Variants in SLC16A10 observed in about 807,000 individuals in gnomAD.
SLC16A10 encodes the protein solute carrier family 16 member 10.
Under a neutral mutation model 40.0 loss-of-function variants are expected in SLC16A10, and 27 were observed. That is an observed-to-expected ratio of 0.67 (90% CI 0.50 to 0.93). SLC16A10 has a LOEUF of 0.93. SLC16A10 is among the 40% of genes least tolerant of loss of function. The pLI is 0.00. For missense variants in SLC16A10, 529 were observed against 658.2 expected (o/e 0.80, Z 2.15); for synonymous variants, 213 against 249.8 (o/e 0.85, Z 1.39).
intron 4 of SLC16A10, among the ~76,000 whole-genome samples, chr6:111,212,320 AAGC>A (rs1273179198): frequency 2.0e-5 from 3 of 152,200 alleles, no homozygotes; most frequent in African/African-American, 7.2e-5. Flanking sequence ...TAAATACTGA[AAGC>A]AGATCCTGAT....
intron 4 of SLC16A10, among the ~76,000 whole-genome samples, chr6:111,207,492 A>T (rs1773273859): frequency 6.6e-6 from 1 of 152,222 alleles, no homozygotes; most frequent in African/African-American, 2.4e-5. Flanking sequence ...CCTTCATGCC[A>T]CACACTCTGC....
Position 111,107,138 on chromosome 6 carries a change from C to G in SLC16A10, c.343+19043C>G, listed in dbSNP as rs113504339. Among the ~76,000 whole-genome samples the G allele has an allele frequency of 2.5e-3, 384 of 151,882 alleles. 3 individuals are homozygous for G. The highest frequency in any genetic ancestry group is 8.8e-3 in the African/African-American group (363 of 41,412). ...GGGAATAAAGAAACGTATGAGGGGT[C>G]TTGGAAAAGTTCATGGAAAAAATGT... On this transcript the variant is annotated intron_variant, in intron 1 of 5. Coordinates refer to ENST00000368851, the MANE Select transcript of SLC16A10 (RefSeq NM_018593.5).
In SLC16A10 at chr6:111,204,386, A is replaced by G. The variant is rs541012845; in HGVS notation, c.943-2206A>G. Among the ~76,000 whole-genome samples, 4 of 152,248 alleles carry G rather than the reference A, an allele frequency of 2.6e-5. No homozygotes were observed. In the South Asian group the frequency reaches 8.3e-4, roughly 32 times the overall value. ...GTTGAGTTCAGCACAGGGCCTGTTG[A>G]CTTTGAGGTGCCTTTGAAACAGGAG... On this transcript the variant is annotated intron_variant, in intron 3 of 5. Coordinates refer to ENST00000368851, the MANE Select transcript of SLC16A10 (RefSeq NM_018593.5).
intron 2 of SLC16A10, 143 bp downstream of exon 2, chr6:111,172,982 T>A: frequency 2.8e-6 from 3 of 1,059,500 alleles, no homozygotes; most frequent in Non-Finnish European, 4.0e-6. Context: ...TAAAACAAAC[T>A]GTTATCCATA....
intron 3 of SLC16A10, among the ~76,000 whole-genome samples, chr6:111,195,517 G>A (rs1040726878): frequency 3.9e-5 from 6 of 152,050 alleles, no homozygotes; most frequent in African/African-American, 9.7e-5. Flanking sequence ...AATTTATCAC[G>A]ATAAAAAATT....
At chr6:111,102,473 G>A (rs1348121185) in intron 1 of SLC16A10, among the ~76,000 whole-genome samples, 1 of 152,090 alleles carries the variant, frequency 6.6e-6, no homozygotes, top group African/African-American at 2.4e-5. Context: ...AAATGACCTG[G>A]CAATTATATA....
intron 1 of SLC16A10, among the ~76,000 whole-genome samples, chr6:111,108,063 A>G (rs1440242484): frequency 1.3e-5 from 2 of 151,508 alleles, no homozygotes; most frequent in Non-Finnish European, 2.9e-5. Flanking sequence ...TTTGTCTCCC[A>G]GGCTGGAGTG....
At position 111,087,931 on chromosome 6, in the gene SLC16A10, AG is replaced by A. The variant is rs762161616; in HGVS notation, c.180del (p.Glu60AspfsTer14). 1 of 1,603,212 alleles carries A rather than the reference AG, an allele frequency of 6.2e-7. No homozygotes were observed. Among genetic ancestry groups the A allele is most frequent in the South Asian group, 1.1e-5 (1 of 89,436 alleles). Reference sequence around the variant, plus strand: ...GGGCCGGCGACCGCGGAGCCCCATGAGCCCCCCGAACCCCCCGAGGGCGGCT... The same window carrying A: ...GGGCCGGCGACCGCGGAGCCCCATGACCCCCCGAACCCCCCGAGGGCGGCT... Reference protein sequence around the residue: ...LAGPATAEPHEPPEPPEGGWG... With the variant: ...LAGPATAEPHXPPEPPEGGWG... On this transcript the variant is annotated frameshift_variant, in exon 1 of 6. Coordinates refer to ENST00000368851, the MANE Select transcript of SLC16A10 (RefSeq NM_018593.5). LOFTEE classifies it high-confidence loss of function.
chr6:111,207,078 G>A (rs1221050160), intron 4 of SLC16A10, among the ~76,000 whole-genome samples: 6 of 152,094 alleles, frequency 3.9e-5, no homozygotes, highest in African/African-American at 1.2e-4. Context: ...TGATCTGCCC[G>A]CCTCGGCCTC....
In SLC16A10 at chr6:111,229,519, A is replaced by C. The variant is rs1771068255; in HGVS notation, c.*7284A>C. 6.6e-6 allele frequency: 1 copy of C among 152,206 alleles called. No homozygotes were observed. Among genetic ancestry groups the C allele is most frequent in the African/African-American group, 2.4e-5 (1 of 41,460 alleles). The allele number at this position is 152,206 out of a possible 1,614,324, so 9.4% of individuals were successfully genotyped here. ...AAAAAGTTATATATAATAGCTTCCT[A>C]TTGAGCTGGCTTATGTAGACATTTG... On this transcript the variant is annotated 3_prime_UTR_variant, in exon 6 of 6. Coordinates refer to ENST00000368851, the MANE Select transcript of SLC16A10 (RefSeq NM_018593.5).
chr6:111,170,368 G>T (rs764518663), intron 1 of SLC16A10, among the ~76,000 whole-genome samples: 3 of 152,148 alleles, frequency 2.0e-5, no homozygotes, highest in Non-Finnish European at 2.9e-5. Context: ...TAGTTGTCAG[G>T]CAATGTTTGC....
chr6:111,127,695 C>A (rs910466695), intron 1 of SLC16A10, among the ~76,000 whole-genome samples: 17 of 152,116 alleles, frequency 1.1e-4, no homozygotes, highest in African/African-American at 3.9e-4. Flanking sequence ...ATATTTATCA[C>A]GTATTTTTGC....
intron 1 of SLC16A10, among the ~76,000 whole-genome samples, chr6:111,147,971 A>G (rs908505410): frequency 2.6e-5 from 4 of 152,180 alleles, no homozygotes; most frequent in African/African-American, 9.7e-5. Flanking sequence ...ACCCATCCTT[A>G]GGCCTTATTG....
chr6:111,142,755 T>G (rs1772006327), intron 1 of SLC16A10, among the ~76,000 whole-genome samples: 1 of 152,238 alleles, frequency 6.6e-6, no homozygotes, highest in African/African-American at 2.4e-5. Flanking sequence ...ACAGGAACTT[T>G]CATTTATTGC....
chr6:111,113,622 G>A (rs1305076376), intron 1 of SLC16A10, among the ~76,000 whole-genome samples: 2 of 152,214 alleles, frequency 1.3e-5, no homozygotes, highest in Non-Finnish European at 2.9e-5. Flanking sequence ...GATTGTGTGT[G>A]TGTGAGTACA....
intron 1 of SLC16A10, among the ~76,000 whole-genome samples, chr6:111,132,465 C>T (rs760613643): frequency 2.0e-5 from 3 of 152,196 alleles, no homozygotes; most frequent in Non-Finnish European, 2.9e-5. Context: ...ATCAAAAATC[C>T]GTAACCCAGT....
In SLC16A10 at chr6:111,222,364, T is replaced by C. The variant is rs1297712982; in HGVS notation, c.*129T>C. 25 of 1,226,422 alleles carry C rather than the reference T, an allele frequency of 2.0e-5. No individual in the cohort carries two copies. The highest frequency in any genetic ancestry group is 5.8e-5 in the East Asian group (2 of 34,420). 76.0% of individuals were successfully genotyped at this position (1,226,422 alleles called of 1,614,324 possible). A position where few individuals can be genotyped will look rare whatever the true frequency, so the allele number is the denominator to read the frequency against. Reference sequence around the variant, plus strand: ...TAGGAATAGCACAATAATTGGGAAATAGAACCCTTATCACTAGAAGAACCA... The same window carrying C: ...TAGGAATAGCACAATAATTGGGAAACAGAACCCTTATCACTAGAAGAACCA... On this transcript the variant is annotated 3_prime_UTR_variant, in exon 6 of 6. Transcript: ENST00000368851.
At chr6:111,206,477 G>T in intron 3 of SLC16A10, 115 bp from the exon 4 acceptor site, 2 of 1,074,526 alleles carry the variant, frequency 1.9e-6, no homozygotes, top group East Asian at 2.5e-5. Context: ...TTGAAATTTG[G>T]AAAAAGTTGC....
Position 111,177,632 on chromosome 6 carries a change from A to T in SLC16A10, c.909A>T (p.Ala303=), listed in dbSNP as rs1317697105. 6.3e-7 allele frequency: 1 copy of T among 1,575,950 alleles called. No homozygotes were observed. Among genetic ancestry groups the T allele is most frequent in the Non-Finnish European group, 8.6e-7 (1 of 1,161,474 alleles). Residue 303 remains alanine, a synonymous_variant, in exon 3 of 6, where the codon GCA becomes GCT. Coordinates refer to ENST00000368851, the MANE Select transcript of SLC16A10 (RefSeq NM_018593.5). ...YAVWAVGIPL[A]LFGYFVPYVH... is the part of the protein sequence containing the mutation. Reference sequence around the variant, plus strand: ...TGTGGGCAGTTGGAATACCACTTGCACTTTTTGGATACTTTGTGCCTTATG... The same window carrying T: ...TGTGGGCAGTTGGAATACCACTTGCTCTTTTTGGATACTTTGTGCCTTATG...
Sources: allele counts gnomAD v4.1 joint callset (sites outside exome capture counted in the v4.1 genomes callset), GRCh38; gene constraint gnomAD v4.1.1; transcripts MANE v1.5; gene names NCBI Gene and HGNC (gene_info 2026-07-23, HGNC 2026-07-21).